Variants in SRGAP1 observed in about 807,000 individuals in gnomAD.
SRGAP1 encodes the protein SLIT-ROBO Rho GTPase activating protein 1.
Under a neutral mutation model 121.9 loss-of-function variants are expected in SRGAP1, and 43 were observed. The observed-to-expected ratio is 0.35, with a 90% CI of 0.28 to 0.46. The LOEUF (loss-of-function observed/expected upper bound fraction) is 0.46, where lower values mean the gene tolerates loss of function less well. Among genes scored for constraint, SRGAP1 ranks in the 20% least tolerant of loss-of-function variants. The pLI, the probability that SRGAP1 is intolerant of heterozygous loss-of-function variation, is 1.00. For missense variants in SRGAP1, 1,102 were observed against 1,350.9 expected, an observed-to-expected ratio of 0.82 and a Z score of 2.89; for synonymous variants, 447 against 485.4, an observed-to-expected ratio of 0.92 and a Z score of 1.04.
intron 1 of SRGAP1, among the ~76,000 whole-genome samples, chr12:63,883,319 G>A (rs116836405): frequency 9.9e-5 from 15 of 152,108 alleles, no homozygotes; most frequent in Admixed American, 9.8e-4. Context: ...CTTGAAACTG[G>A]ACACAGTTTT....
intron 3 of SRGAP1, among the ~76,000 whole-genome samples, chr12:64,013,907 T>G (rs1404807473): frequency 6.6e-6 from 1 of 152,102 alleles, no homozygotes; most frequent in Admixed American, 6.6e-5. Context: ...GACATCAAAG[T>G]CAACTCAAGC....
At chr12:64,131,873 G>T (rs527264869) in intron 21 of SRGAP1, among the ~76,000 whole-genome samples, 220 of 152,334 alleles carry the variant, frequency 1.4e-3, no homozygotes, top group African/African-American at 5.1e-3. Flanking sequence ...GCCAAGAGCT[G>T]TCTCTCAAAA....
chr12:64,010,063 T>C (rs369731936), intron 3 of SRGAP1, among the ~76,000 whole-genome samples: 14 of 152,286 alleles, frequency 9.2e-5, no homozygotes, highest in African/African-American at 3.4e-4. Context: ...AAAGCACACA[T>C]ACTGTGGAAG....
chr12:63,923,344 C>G (rs890122061), intron 1 of SRGAP1, among the ~76,000 whole-genome samples: 2 of 152,134 alleles, frequency 1.3e-5, no homozygotes, highest in Non-Finnish European at 2.9e-5. Context: ...AACGGCCGTA[C>G]TTACAACATC....
At chr12:64,052,489 A>G (rs1445423690) in intron 6 of SRGAP1, among the ~76,000 whole-genome samples, 3 of 152,068 alleles carry the variant, frequency 2.0e-5, no homozygotes, top group Middle Eastern at 3.4e-3. Flanking sequence ...TGGGAGGTGG[A>G]TGTTGCAGTG....
At chr12:63,874,949 T>C (rs939693332) in intron 1 of SRGAP1, among the ~76,000 whole-genome samples, 1 of 152,240 alleles carries the variant, frequency 6.6e-6, no homozygotes, top group Non-Finnish European at 1.5e-5. Context: ...AGGATCTTGC[T>C]CTGCTGCTCA....
intron 4 of SRGAP1, 91 bp downstream of exon 4, chr12:64,017,103 C>G: frequency 2.7e-6 from 2 of 736,732 alleles, no homozygotes; most frequent in Non-Finnish European, 4.5e-6. Flanking sequence ...CATTCCAAGC[C>G]AGAGTGACAA....
At chr12:64,086,918 C>T in intron 10 of SRGAP1, 81 bp from the exon 11 acceptor site, 2 of 1,012,022 alleles carry the variant, frequency 2.0e-6, no homozygotes, top group Non-Finnish European at 3.0e-6. Flanking sequence ...TTTTAAAATA[C>T]CGGATAGGAG....
At chr12:63,923,547 A>C (rs1282331345) in intron 1 of SRGAP1, among the ~76,000 whole-genome samples, 1 of 152,208 alleles carries the variant, frequency 6.6e-6, no homozygotes, top group East Asian at 1.9e-4. Context: ...TATTTAATAG[A>C]TTACTTATTC....
chr12:64,041,111 A>G (rs1186694490), intron 4 of SRGAP1, among the ~76,000 whole-genome samples: 1 of 152,112 alleles, frequency 6.6e-6, no homozygotes, highest in Admixed American at 6.6e-5. Flanking sequence ...ATATACATCA[A>G]AGGTTTTTAA....
rs866398656 is a variant in SRGAP1 at position 64,143,137 on chromosome 12, G to A, written c.*465G>A. On this transcript the variant is annotated 3_prime_UTR_variant, in exon 22 of 22. Coordinates refer to ENST00000355086, the MANE Select transcript of SRGAP1 (RefSeq NM_020762.4). ...GTGGTAGCTGACAATGAGCACCTTCGGTTCCATGTGGAGCGGGGTTTAGCT... is the reference window on the plus strand; with the variant it reads ...GTGGTAGCTGACAATGAGCACCTTCAGTTCCATGTGGAGCGGGGTTTAGCT... 1 of 164,948 alleles carries A rather than the reference G, an allele frequency of 6.1e-6. No individual in the cohort carries two copies. 10.2% of individuals were successfully genotyped at this position (164,948 alleles called of 1,614,324 possible). A position where few individuals can be genotyped will look rare whatever the true frequency, so the allele number is the denominator to read the frequency against.
chr12:63,951,820 A>G (rs1210638915), intron 1 of SRGAP1, among the ~76,000 whole-genome samples: 1 of 152,228 alleles, frequency 6.6e-6, no homozygotes, highest in Admixed American at 6.5e-5. Context: ...TTAGGGGAAG[A>G]TCTGCTTTTC....
intron 1 of SRGAP1, among the ~76,000 whole-genome samples, chr12:63,959,767 C>T (rs2032584817): frequency 6.6e-6 from 1 of 152,142 alleles, no homozygotes; most frequent in African/African-American, 2.4e-5. Flanking sequence ...ATATAATATG[C>T]ATTCTTATCT....
At chr12:63,971,020 G>A (rs145347798) in intron 1 of SRGAP1, among the ~76,000 whole-genome samples, 1 of 152,136 alleles carries the variant, frequency 6.6e-6, no homozygotes, top group East Asian at 1.9e-4. Flanking sequence ...ACCACCCTGC[G>A]ATACAAAGCA....
intron 1 of SRGAP1, among the ~76,000 whole-genome samples, chr12:63,941,067 G>T (rs569491709): frequency 7.2e-5 from 11 of 151,982 alleles, no homozygotes; most frequent in Admixed American, 5.2e-4. Context: ...GTTTAGTGTT[G>T]CTGGTCTATG....
rs7298523 is a variant in SRGAP1, at chr12:64,095,333, A to G, written c.1678+129A>G. 44,202 of 720,566 alleles carry G rather than the reference A, an allele frequency of 0.061. 2,139 individuals carry two copies. The highest frequency in any genetic ancestry group is 0.16 in the African/African-American group (9,212 of 55,978). The allele number at this position is 720,566 out of a possible 1,614,324, so 44.6% of individuals were successfully genotyped here. A position where few individuals can be genotyped will look rare whatever the true frequency, so the allele number is the denominator to read the frequency against. ...GTATGTACTGCATTAGGGGTGCAGC[A>G]GTAAGAATCCATTAAGAATCGCTGA... is the stretch of plus-strand genomic sequence containing the variant. On this transcript the variant is annotated intron_variant, in intron 14 of 21. Transcript: ENST00000355086.
At chr12:64,098,327 C>T (rs954442618) in intron 15 of SRGAP1, among the ~76,000 whole-genome samples, 2 of 151,954 alleles carry the variant, frequency 1.3e-5, no homozygotes, top group African/African-American at 2.4e-5. Context: ...ACCCCTACCC[C>T]CTGGCCCTGC....
intron 1 of SRGAP1, among the ~76,000 whole-genome samples, chr12:63,963,215 A>G (rs1396890515): frequency 1.3e-5 from 2 of 152,204 alleles, no homozygotes; most frequent in African/African-American, 4.8e-5. Flanking sequence ...TGCATTGTTT[A>G]GTAGATTAAT....
intron 8 of SRGAP1, among the ~76,000 whole-genome samples, chr12:64,076,268 T>A (rs959797572): frequency 6.6e-6 from 1 of 152,132 alleles, no homozygotes; most frequent in Non-Finnish European, 1.5e-5. Flanking sequence ...GAAGAAATAA[T>A]AGACAATAGA....
Sources: allele counts gnomAD v4.1 joint callset (sites outside exome capture counted in the v4.1 genomes callset), GRCh38; gene constraint gnomAD v4.1.1; transcripts MANE v1.5; gene names NCBI Gene and HGNC (gene_info 2026-07-23, HGNC 2026-07-21).